RARB: variants seen among roughly 807,000 people sequenced by gnomAD.
The protein encoded by RARB is retinoic acid receptor beta, also known as HBV-activated protein.
A neutral mutation model predicts 51.9 loss-of-function variants in RARB; 17 were observed. The ratio of observed to expected loss-of-function variants is 0.33; its 90% CI spans 0.22 to 0.49. The LOEUF (loss-of-function observed/expected upper bound fraction) is 0.49, where lower values mean the gene tolerates loss of function less well. Among genes scored for constraint, RARB ranks in the 20% least tolerant of loss-of-function variants. The pLI is 0.99. For synonymous variants in RARB, 215 were observed against 195.4 expected (o/e 1.10, Z -0.84); for missense variants, 369 against 550.8 (o/e 0.67, Z 3.30).
chr3:25,302,029 C>T (rs766804494), intron 5 of RARB, among the ~76,000 whole-genome samples: 5 of 152,112 alleles, frequency 3.3e-5, no homozygotes, highest in South Asian at 2.1e-4. Context: ...ACTAAGTTCA[C>T]GTTAATGCCA....
chr3:24,841,681 G>A (rs1702423343), intron 1 of RARB, among the ~76,000 whole-genome samples: 1 of 152,080 alleles, frequency 6.6e-6, no homozygotes, highest in South Asian at 2.1e-4. Context: ...TGTCTCTAAT[G>A]TAATAACAAA....
At position 24,860,863 on chromosome 3, in the gene RARB, GCTT is replaced by G. The variant is rs536276582; in HGVS notation, c.-380+2115_-380+2117del. ...GAATTGAACTACATGAACTCAAGGGGCTTCTTGTATACTAATGACTTAGTATAC... is the reference window on the plus strand; with the variant it reads ...GAATTGAACTACATGAACTCAAGGGGCTTGTATACTAATGACTTAGTATAC... On this transcript the variant is annotated intron_variant, in intron 2 of 11. Coordinates refer to the RARB transcript ENST00000383772. Among the ~76,000 whole-genome samples the G allele has an allele frequency of 2.1e-3, 318 of 152,228 alleles. 3 individuals are homozygous for G. The South Asian group carries it at 0.03, about 14-fold the overall frequency.
chr3:24,978,859 G>C (rs941193918), intron 2 of RARB, among the ~76,000 whole-genome samples: 14 of 152,024 alleles, frequency 9.2e-5, no homozygotes, highest in Non-Finnish European at 1.8e-4. Context: ...GTCTATTTTA[G>C]ATCTTTTCTG....
intron 2 of RARB, among the ~76,000 whole-genome samples, chr3:24,879,983 C>G (rs1703126858): frequency 8.9e-6 from 1 of 111,930 alleles, no homozygotes; most frequent in South Asian, 3.0e-4. Context: ...GTCACGAAAA[C>G]TGAAGCTCCA....
chr3:25,487,814 C>T (rs1244885405), intron 2 of RARB, among the ~76,000 whole-genome samples: 2 of 152,192 alleles, frequency 1.3e-5, no homozygotes, highest in African/African-American at 4.8e-5. Flanking sequence ...TTCTAATGCT[C>T]ACTAAGGCGT....
In RARB at chr3:25,446,802, CAAAAAAAAAAAAAAA is replaced by C. The variant is rs5847356; in HGVS notation, c.158-14376_158-14362del. ...TGGGTGACAGAGCCAGACTCCGTCT[CAAAAAAAAAAAAAAA>C]AAAAAAAAAAAAAATTAAAAAATGA... On this transcript the variant is annotated intron_variant, in intron 1 of 7. Transcript: ENST00000330688. Among the ~76,000 whole-genome samples the C allele has an allele frequency of 1.4e-4, 10 of 69,104 alleles. 1 individual carries two copies. Among genetic ancestry groups the C allele is most frequent in the South Asian group, 6.7e-4 (1 of 1,494 alleles). 45.3% of individuals were successfully genotyped at this position (69,104 alleles called of 152,430 possible).
intron 1 of RARB, among the ~76,000 whole-genome samples, chr3:24,839,028 A>G (rs1446805933): frequency 6.6e-6 from 1 of 151,926 alleles, no homozygotes; most frequent in Non-Finnish European, 1.5e-5. Context: ...GCTGCCGGTT[A>G]GCAATTTATG....
rs569751876 is a variant in RARB, at chr3:25,198,245, C to T, written c.178+23670C>T. ...CATGCAGAAGAATGAAACTAGACCC[C>T]TTCTCTTACCATATACAAAAATGAT... On this transcript the variant is annotated intron_variant, in intron 5 of 11. Transcript: ENST00000383772. Among the ~76,000 whole-genome samples the T allele has an allele frequency of 2.6e-5, 4 of 152,146 alleles. No homozygotes were observed. In the East Asian group the frequency reaches 7.7e-4, roughly 29 times the overall value.
At chr3:25,548,556 C>T (rs1559462240) in intron 3 of RARB, among the ~76,000 whole-genome samples, 1 of 150,340 alleles carries the variant, frequency 6.7e-6, no homozygotes, top group African/African-American at 2.4e-5. Flanking sequence ...GATGCACATT[C>T]CAAGTCTTTG....
At chr3:25,012,272 T>G (rs932214687) in intron 2 of RARB, among the ~76,000 whole-genome samples, 1 of 152,120 alleles carries the variant, frequency 6.6e-6, no homozygotes. Context: ...TAGGAAAGCT[T>G]TGATTTTTAA....
At chr3:24,832,328 T>C (rs34062428) in intron 1 of RARB, among the ~76,000 whole-genome samples, 2,500 of 152,088 alleles carry the variant, frequency 0.016, 65 homozygotes, top group African/African-American at 0.057. Context: ...AACAGCACAG[T>C]GAAATCAGTA....
At chr3:25,131,780 T>C (rs930862574) in intron 3 of RARB, among the ~76,000 whole-genome samples, 3 of 151,850 alleles carry the variant, frequency 2.0e-5, no homozygotes, top group Non-Finnish European at 4.4e-5. Flanking sequence ...TGTGCCAAGA[T>C]TGATAGTTCT....
intron 2 of RARB, among the ~76,000 whole-genome samples, chr3:25,009,487 C>T (rs552521336): frequency 6.0e-4 from 91 of 152,122 alleles, no homozygotes; most frequent in African/African-American, 2.0e-3. Context: ...ATTCAGATCC[C>T]GTGAGTCCAG....
At chr3:25,207,357 A>G (rs67563294) in intron 5 of RARB, among the ~76,000 whole-genome samples, 21,907 of 152,144 alleles carry the variant, frequency 0.14, 1,698 homozygotes, top group Non-Finnish European at 0.17. Flanking sequence ...TAACAATGAG[A>G]AATTTGAAAG....
At chr3:25,504,786 TTTTTTG>T (rs1389949892) in intron 3 of RARB, among the ~76,000 whole-genome samples, 7,277 of 146,532 alleles carry the variant, frequency 0.05, 181 homozygotes, top group Non-Finnish European at 0.074. Flanking sequence ...TTTTTTTTTT[TTTTTTG>T]TGTCACCCAG....
chr3:25,220,922 T>G (rs753459708), intron 5 of RARB, among the ~76,000 whole-genome samples: 5 of 152,110 alleles, frequency 3.3e-5, no homozygotes, highest in Non-Finnish European at 5.9e-5. Flanking sequence ...GCAAGTCAAG[T>G]GAGATGAACA....
intron 2 of RARB, among the ~76,000 whole-genome samples, chr3:25,002,756 GTGTGTA>G (rs199950758): frequency 0.026 from 3,920 of 150,934 alleles, 165 homozygotes; most frequent in African/African-American, 0.089. Context: ...TTCTGTGTGT[GTGTGTA>G]TATATATATA....
In RARB at chr3:25,501,322, A is replaced by G; in HGVS notation, c.447A>G (p.Glu149=). The G allele has an allele frequency of 6.2e-7, 1 of 1,606,972 alleles. No homozygotes were observed. Among genetic ancestry groups the G allele is most frequent in the Non-Finnish European group, 8.5e-7 (1 of 1,178,400 alleles). ...QKCFEVGMSK[E]SVRNDRNKKK... ...GCTTTGAAGTGGGAATGTCCAAAGA[A>G]TGTAAGTGGAGTCTCAAAAAACTTT... The change falls in exon 3 of 8, where the codon GAA becomes GAG. Residue 149 remains glutamate (E), a splice_region_variant and synonymous_variant. Coordinates refer to ENST00000330688, the MANE Select transcript of RARB (RefSeq NM_000965.5).
rs186704339 is a variant in RARB at position 25,025,553 on chromosome 3, T to G, written c.-379-34572T>G. Among the ~76,000 whole-genome samples, 424 of 152,274 alleles carry G rather than the reference T, an allele frequency of 2.8e-3. 1 individual carries two copies. Among genetic ancestry groups the G allele is most frequent in the Non-Finnish European group, 4.4e-3 (302 of 68,030 alleles). On this transcript the variant is annotated intron_variant, in intron 2 of 11. Coordinates refer to the RARB transcript ENST00000383772. Reference sequence around the variant, plus strand: ...GAAAGTTAAAGTAGAAACTATAAGTTACAGTAGTTATGTACACAGATAAAC... The same window carrying G: ...GAAAGTTAAAGTAGAAACTATAAGTGACAGTAGTTATGTACACAGATAAAC...
Sources: allele counts gnomAD v4.1 joint callset (sites outside exome capture counted in the v4.1 genomes callset), GRCh38; gene constraint gnomAD v4.1.1; transcripts MANE v1.5; gene names NCBI Gene and HGNC (gene_info 2026-07-23, HGNC 2026-07-21).